CACNB2: variants seen among roughly 807,000 people sequenced by gnomAD.
The protein encoded by CACNB2 is voltage-dependent L-type calcium channel subunit beta-2.
CACNB2 carries 42 observed loss-of-function variants against 73.3 expected under a neutral mutation model. That is an observed-to-expected ratio of 0.57 (90% confidence interval 0.45 to 0.74). The LOEUF is 0.74. CACNB2 is among the 30% of genes least tolerant of loss of function. The pLI, the probability that CACNB2 is intolerant of heterozygous loss-of-function variation, is 0.00. For synonymous variants in CACNB2, 348 were observed against 310.3 expected (o/e 1.12, Z -1.28); for missense variants, 940 against 853.0 (o/e 1.10, Z -1.27).
At chr10:18,424,436 A>G (rs57943985) in intron 3 of CACNB2, among the ~76,000 whole-genome samples, 1 of 152,162 alleles carries the variant, frequency 6.6e-6, no homozygotes, top group Non-Finnish European at 1.5e-5. Context: ...AAGGTGTGGT[A>G]ACGCCTGGGT....
intron 2 of CACNB2, among the ~76,000 whole-genome samples, chr10:18,222,761 AC>A (rs921452325): frequency 1.3e-5 from 2 of 152,004 alleles, no homozygotes; most frequent in African/African-American, 4.8e-5. Flanking sequence ...ACATGGTAAA[AC>A]CCTGTCTCTA....
At chr10:18,264,731 C>G (rs2037712204) in intron 2 of CACNB2, among the ~76,000 whole-genome samples, 1 of 152,162 alleles carries the variant, frequency 6.6e-6, no homozygotes, top group African/African-American at 2.4e-5. Context: ...GTACAGTATT[C>G]CATTGTGTGG....
At position 18,496,814 on chromosome 10, in the gene CACNB2, CAAA is replaced by C. The variant is rs905870687; in HGVS notation, c.334-1523_334-1521del. ...GGGCAACAAGAGCGAAACTCCGCCT[CAAA>C]AAAAAAAAAAAAAAAAAGGAAAAAA... On this transcript the variant is annotated intron_variant, in intron 3 of 13. Transcript: ENST00000324631. Among the ~76,000 whole-genome samples the C allele has an allele frequency of 8.9e-5, 4 of 45,174 alleles. No individual in the cohort carries two copies. In the South Asian group the frequency reaches 1.8e-3, roughly 21 times the overall value. The allele number at this position is 45,174 out of a possible 152,430, so 29.6% of individuals were successfully genotyped here. A position where few individuals can be genotyped will look rare whatever the true frequency, so the allele number is the denominator to read the frequency against.
intron 2 of CACNB2, among the ~76,000 whole-genome samples, chr10:18,319,307 T>C (rs1295358100): frequency 6.6e-6 from 1 of 152,134 alleles, no homozygotes; most frequent in Non-Finnish European, 1.5e-5. Flanking sequence ...GGGACATGGA[T>C]GGAGCCGGAA....
intron 2 of CACNB2, among the ~76,000 whole-genome samples, chr10:18,237,589 T>C (rs910884721): frequency 2.0e-5 from 3 of 152,206 alleles, no homozygotes; most frequent in Non-Finnish European, 4.4e-5. Context: ...TGTATTTCCA[T>C]TGCTTTCAGC....
At chr10:18,365,363 C>T (rs564924852) in intron 2 of CACNB2, among the ~76,000 whole-genome samples, 1 of 152,132 alleles carries the variant, frequency 6.6e-6, no homozygotes, top group Non-Finnish European at 1.5e-5. Flanking sequence ...TAATTTTCAA[C>T]CTTTCTTCAT....
intron 2 of CACNB2, among the ~76,000 whole-genome samples, chr10:18,358,507 T>G (rs191865659): frequency 0.021 from 1,136 of 55,052 alleles, 24 homozygotes; most frequent in African/African-American, 0.073. Context: ...GCTCTCTCTC[T>G]CTCTCTCTCT....
At chr10:18,306,149 A>G (rs1436226194) in intron 2 of CACNB2, among the ~76,000 whole-genome samples, 1 of 152,156 alleles carries the variant, frequency 6.6e-6, no homozygotes, top group Non-Finnish European at 1.5e-5. Flanking sequence ...AGGAGTTTCA[A>G]GAGGATGGTG....
At chr10:18,281,368 G>A (rs2038537033) in intron 2 of CACNB2, among the ~76,000 whole-genome samples, 1 of 152,302 alleles carries the variant, frequency 6.6e-6, no homozygotes, top group African/African-American at 2.4e-5. Context: ...CAGCCATTTA[G>A]GAGCTGTGTG....
At chr10:18,303,370 T>C (rs924766193) in intron 2 of CACNB2, among the ~76,000 whole-genome samples, 3 of 152,046 alleles carry the variant, frequency 2.0e-5, no homozygotes, top group Non-Finnish European at 2.9e-5. Flanking sequence ...TCAAGTATGG[T>C]GGTGCACGCC....
intron 3 of CACNB2, among the ~76,000 whole-genome samples, chr10:18,460,558 G>T (rs536208229): frequency 6.6e-6 from 1 of 151,926 alleles, no homozygotes; most frequent in Non-Finnish European, 1.5e-5. Flanking sequence ...TTTTCGGCAG[G>T]TTAAAAAGTC....
At chr10:18,346,788 G>C (rs2041476782) in intron 2 of CACNB2, among the ~76,000 whole-genome samples, 1 of 151,976 alleles carries the variant, frequency 6.6e-6, no homozygotes. Flanking sequence ...GTAGAGACAA[G>C]GTTTCACTTT....
chr10:18,499,771 G>A (rs2050086662), intron 4 of CACNB2, among the ~76,000 whole-genome samples: 1 of 101,876 alleles, frequency 9.8e-6, no homozygotes, highest in East Asian at 3.3e-4. Context: ...GAGCCCAGGA[G>A]ACCAGCCTGG....
At chr10:18,183,528 C>A (rs1229639014) in intron 2 of CACNB2, among the ~76,000 whole-genome samples, 2 of 152,150 alleles carry the variant, frequency 1.3e-5, no homozygotes, top group Non-Finnish European at 2.9e-5. Flanking sequence ...GGGCAAGTCA[C>A]GTCTTACATG....
intron 3 of CACNB2, among the ~76,000 whole-genome samples, chr10:18,454,516 C>A (rs575039535): frequency 1.3e-5 from 2 of 152,250 alleles, no homozygotes; most frequent in South Asian, 4.1e-4. Flanking sequence ...TGTTTTTTTA[C>A]CCCCTAAGAA....
At chr10:18,369,136 C>T (rs1292828499) in intron 2 of CACNB2, among the ~76,000 whole-genome samples, 1 of 152,142 alleles carries the variant, frequency 6.6e-6, no homozygotes, top group Admixed American at 6.5e-5. Flanking sequence ...AAAATGAGGT[C>T]TACATAACTG....
At chr10:18,283,552 G>A (rs550880208) in intron 2 of CACNB2, among the ~76,000 whole-genome samples, 1 of 151,838 alleles carries the variant, frequency 6.6e-6, no homozygotes, top group Admixed American at 6.6e-5. Flanking sequence ...CCATCATTCT[G>A]AGCAAACTAT....
intron 2 of CACNB2, among the ~76,000 whole-genome samples, chr10:18,190,042 C>T (rs953699043): frequency 3.9e-5 from 6 of 152,196 alleles, no homozygotes; most frequent in Admixed American, 3.3e-4. Flanking sequence ...AGAGTTTGGA[C>T]AGGCACTGGG....
intron 3 of CACNB2, among the ~76,000 whole-genome samples, chr10:18,478,972 G>T (rs3905378): frequency 6.6e-6 from 1 of 151,772 alleles, no homozygotes; most frequent in Non-Finnish European, 1.5e-5. Flanking sequence ...CGGGAGGATC[G>T]CTCTAAGCCC....
Sources: allele counts gnomAD v4.1 joint callset (sites outside exome capture counted in the v4.1 genomes callset), GRCh38; gene constraint gnomAD v4.1.1; transcripts MANE v1.5; gene names NCBI Gene and HGNC (gene_info 2026-07-23, HGNC 2026-07-21).